SENP5: variants seen among roughly 807,000 people sequenced by gnomAD.
SENP5 encodes the protein sentrin-specific protease 5.
Under a neutral mutation model 74.2 loss-of-function variants are expected in SENP5, and 21 were observed. The ratio of observed to expected loss-of-function variants is 0.28; its 90% confidence interval spans 0.20 to 0.41. The LOEUF (loss-of-function observed/expected upper bound fraction) is 0.41, where lower values mean the gene tolerates loss of function less well. Ranked by LOEUF, SENP5 falls within the 10% of genes least tolerant of loss-of-function variation. The pLI is 1.00. For missense variants in SENP5, 717 were observed against 889.1 expected, an observed-to-expected ratio of 0.81 and a Z score of 2.46; for synonymous variants, 311 against 312.7, an observed-to-expected ratio of 0.99 and a Z score of 0.06.
chr3:196,869,361 G>A (rs1229109183), intron 1 of SENP5, among the ~76,000 whole-genome samples: 2 of 151,736 alleles, frequency 1.3e-5, no homozygotes, highest in Admixed American at 6.6e-5. Context: ...CCGCCATCGC[G>A]CCCGGCTAAT....
chr3:196,903,300 C>T (rs930742514), intron 5 of SENP5, among the ~76,000 whole-genome samples: 13 of 152,052 alleles, frequency 8.5e-5, no homozygotes, highest in Non-Finnish European at 1.3e-4. Flanking sequence ...CCACCACGCC[C>T]GGCTAATTTT....
intron 6 of SENP5, among the ~76,000 whole-genome samples, chr3:196,906,415 A>T (rs1038411731): frequency 5.3e-5 from 8 of 152,196 alleles, no homozygotes; most frequent in Admixed American, 3.9e-4. Flanking sequence ...AGTGGTGGAG[A>T]CAGCACCTAC....
chr3:196,899,169 C>T (rs1460486015), intron 2 of SENP5, among the ~76,000 whole-genome samples: 7 of 151,852 alleles, frequency 4.6e-5, no homozygotes, highest in Non-Finnish European at 5.9e-5. Flanking sequence ...AATAACTTAT[C>T]AAGATGTATG....
chr3:196,874,571 T>G (rs1277821314), intron 1 of SENP5, among the ~76,000 whole-genome samples: 1 of 152,162 alleles, frequency 6.6e-6, no homozygotes, highest in Non-Finnish European at 1.5e-5. Flanking sequence ...CACTTTCCTT[T>G]GCTTAGTCTT....
chr3:196,925,347 C>T (rs1004531340), intron 7 of SENP5, among the ~76,000 whole-genome samples: 6 of 152,334 alleles, frequency 3.9e-5, no homozygotes, highest in Admixed American at 3.9e-4. Context: ...GCCCAGAGTT[C>T]TCACAATACC....
At chr3:196,906,805 A>G (rs1323275015) in intron 6 of SENP5, among the ~76,000 whole-genome samples, 1 of 152,192 alleles carries the variant, frequency 6.6e-6, no homozygotes, top group African/African-American at 2.4e-5. Flanking sequence ...AATGGTTTTT[A>G]GTGACATTAT....
intron 6 of SENP5, chr3:196,914,292 GC>G (rs1401010672): frequency 6.6e-6 from 1 of 151,900 alleles, no homozygotes; most frequent in Non-Finnish European, 1.5e-5. Flanking sequence ...ATAAAAACTG[GC>G]AGTGGGCCAT....
Position 196,921,616 on chromosome 3 carries a change from TA to T in SENP5, c.1885-1788del, listed in dbSNP as rs901883788. 2.0e-3 allele frequency among the ~76,000 whole-genome samples: 294 copies of T among 148,404 alleles called. 1 individual carries two copies. Among genetic ancestry groups the T allele is most frequent in the African/African-American group, 5.8e-3 (234 of 40,656 alleles). On this transcript the variant is annotated intron_variant, in intron 6 of 9. Transcript: ENST00000323460. Reference sequence around the variant, plus strand: ...ATTCCTTGTTTTAGATACTCGGAATTAAAAAAAAAAGGATACTCAGAATTTT... The same window carrying T: ...ATTCCTTGTTTTAGATACTCGGAATTAAAAAAAAAGGATACTCAGAATTTT...
chr3:196,894,594 T>G (rs968046292), intron 2 of SENP5, among the ~76,000 whole-genome samples: 2 of 152,062 alleles, frequency 1.3e-5, no homozygotes, highest in Non-Finnish European at 2.9e-5. Context: ...AGTTGGTAGT[T>G]CTAATACTGT....
chr3:196,872,790 C>T (rs1713272205), intron 1 of SENP5, among the ~76,000 whole-genome samples: 2 of 152,154 alleles, frequency 1.3e-5, no homozygotes, highest in Admixed American at 1.3e-4. Flanking sequence ...CCAGAGGCTA[C>T]CGTATTGGGC....
intron 2 of SENP5, among the ~76,000 whole-genome samples, chr3:196,893,643 C>G (rs1052068482): frequency 6.6e-6 from 1 of 152,046 alleles, no homozygotes; most frequent in Non-Finnish European, 1.5e-5. Flanking sequence ...GGCGCGGTGG[C>G]TCATGCCTGT....
chr3:196,892,825 G>A (rs1714270834), intron 2 of SENP5, among the ~76,000 whole-genome samples: 1 of 152,056 alleles, frequency 6.6e-6, no homozygotes, highest in East Asian at 1.9e-4. Flanking sequence ...TTTGTGTCTG[G>A]CATATTTCAC....
chr3:196,880,663 C>T (rs1199159210), intron 1 of SENP5, among the ~76,000 whole-genome samples: 7 of 86,588 alleles, frequency 8.1e-5, no homozygotes, highest in African/African-American at 2.8e-4. Flanking sequence ...TTTTTTGAGA[C>T]GGAGTTTTGC....
At chr3:196,894,366 G>A (rs140608412) in intron 2 of SENP5, among the ~76,000 whole-genome samples, 11 of 151,788 alleles carry the variant, frequency 7.2e-5, no homozygotes, top group Non-Finnish European at 1.5e-4. Flanking sequence ...CAGGTGATCC[G>A]CCCGCCTTAT....
chr3:196,875,536 A>G (rs1713421349), intron 1 of SENP5, among the ~76,000 whole-genome samples: 1 of 151,974 alleles, frequency 6.6e-6, no homozygotes, highest in South Asian at 2.1e-4. Context: ...CCGTGCCTCT[A>G]AGTGTTACTG....
At chr3:196,897,655 A>G (rs1240815753) in intron 2 of SENP5, among the ~76,000 whole-genome samples, 5 of 152,256 alleles carry the variant, frequency 3.3e-5, no homozygotes, top group South Asian at 2.1e-4. Flanking sequence ...GTTTATATCA[A>G]TGCATGGCAG....
chr3:196,924,670 A>C (rs1429382275), intron 7 of SENP5, among the ~76,000 whole-genome samples: 1 of 152,218 alleles, frequency 6.6e-6, no homozygotes, highest in Non-Finnish European at 1.5e-5. Context: ...TGCAGTTCTC[A>C]TCAGTTCTAA....
chr3:196,889,490 A>G (rs898281465), intron 2 of SENP5, among the ~76,000 whole-genome samples: 1 of 152,234 alleles, frequency 6.6e-6, no homozygotes, highest in Non-Finnish European at 1.5e-5. Flanking sequence ...ATGGTATCTC[A>G]GCAAGTGCTG....
At chr3:196,886,848 A>G (rs1713998182) in intron 2 of SENP5, among the ~76,000 whole-genome samples, 154 bp downstream of exon 2, 1 of 152,176 alleles carries the variant, frequency 6.6e-6, no homozygotes, top group South Asian at 2.1e-4. Flanking sequence ...TGCATTATGT[A>G]GATGTTCCAT....
Sources: gnomAD v4.1 joint callset for allele counts (sites outside exome capture counted in the v4.1 genomes callset) on GRCh38, gnomAD v4.1.1 for gene constraint, MANE v1.5 for transcripts, NCBI Gene and HGNC (gene_info 2026-07-23, HGNC 2026-07-21) for gene names.